Variants in ZNRF2 observed in about 807,000 individuals in gnomAD.
ZNRF2 encodes the protein E3 ubiquitin-protein ligase ZNRF2.
Under a neutral mutation model 20.4 loss-of-function variants are expected in ZNRF2, and 16 were observed. The observed-to-expected ratio is 0.79, with a 90% CI of 0.53 to 1.19. ZNRF2 has a LOEUF of 1.19. Ranked by LOEUF, ZNRF2 falls within the 50% of genes most tolerant of loss-of-function variation. The probability of loss-of-function intolerance (pLI) is 0.00; values close to 1 mark genes in which losing one functional copy is unlikely to be tolerated. For synonymous variants in ZNRF2, 178 were observed against 144.9 expected, an observed-to-expected ratio of 1.23 and a Z score of -1.64; for missense variants, 363 against 332.4, an observed-to-expected ratio of 1.09 and a Z score of -0.72.
chr7:30,322,395 C>T (rs180809661), intron 1 of ZNRF2, among the ~76,000 whole-genome samples: 1 of 152,284 alleles, frequency 6.6e-6, no homozygotes, highest in East Asian at 1.9e-4. Flanking sequence ...CCTGTGAGAA[C>T]ACATGTGTTG....
At chr7:30,289,065 A>G (rs1216593783) in intron 1 of ZNRF2, 1 of 152,178 alleles carries the variant, frequency 6.6e-6, no homozygotes, top group Non-Finnish European at 1.5e-5. Flanking sequence ...GTGGACTTCT[A>G]TAATGTATCC....
intron 2 of ZNRF2, among the ~76,000 whole-genome samples, chr7:30,353,839 G>T (rs563704700): frequency 1.3e-5 from 2 of 152,104 alleles, no homozygotes; most frequent in South Asian, 4.1e-4. Context: ...TTTTGAAGGT[G>T]GTTGTGAAAC....
chr7:30,333,917 G>C (rs1429933210), intron 2 of ZNRF2, among the ~76,000 whole-genome samples: 2 of 152,076 alleles, frequency 1.3e-5, no homozygotes, highest in East Asian at 1.9e-4. Context: ...TGCACAGCTT[G>C]CAAATATTTT....
chr7:30,306,570 G>A (rs1049276839), intron 1 of ZNRF2, among the ~76,000 whole-genome samples: 8 of 152,092 alleles, frequency 5.3e-5, no homozygotes, highest in African/African-American at 1.9e-4. Context: ...ACCTATTCCA[G>A]TCACTGAAAT....
At chr7:30,300,514 A>T (rs1799096617) in intron 1 of ZNRF2, among the ~76,000 whole-genome samples, 1 of 148,212 alleles carries the variant, frequency 6.7e-6, no homozygotes, top group South Asian at 2.2e-4. Flanking sequence ...CTCTAATAAA[A>T]GATAGACTTA....
At position 30,285,341 on chromosome 7, in the gene ZNRF2, C is replaced by T; in HGVS notation, c.-17C>T. 1.8e-6 allele frequency: 2 copies of T among 1,123,148 alleles called. No individual in the cohort carries two copies. Among genetic ancestry groups the T allele is most frequent in the Non-Finnish European group, 2.2e-6 (2 of 920,036 alleles). The allele number at this position is 1,123,148 out of a possible 1,614,324, so 69.6% of individuals were successfully genotyped here. A position where few individuals can be genotyped will look rare whatever the true frequency, so the allele number is the denominator to read the frequency against. The stretch of plus-strand genomic sequence containing the variant: ...CTCGGGGCGCAGCGCGCGGGCCCGG[C>T]CCGGGGCAGGGCGGACATGGGCGCC... On this transcript the variant is annotated 5_prime_UTR_variant, in exon 1 of 5. Transcript: ENST00000323037.
chr7:30,287,496 CATT>C (rs1314285639), intron 1 of ZNRF2, among the ~76,000 whole-genome samples: 1 of 152,168 alleles, frequency 6.6e-6, no homozygotes, highest in African/African-American at 2.4e-5. Context: ...CTTTGAGAAA[CATT>C]ATAGTTCTGT....
At chr7:30,318,166 G>C (rs1461419449) in intron 1 of ZNRF2, among the ~76,000 whole-genome samples, 1 of 152,160 alleles carries the variant, frequency 6.6e-6, no homozygotes, top group Non-Finnish European at 1.5e-5. Context: ...CAGTGAGGTC[G>C]ATGACATAGG....
At chr7:30,348,497 T>G (rs1324551975) in intron 2 of ZNRF2, among the ~76,000 whole-genome samples, 1 of 152,230 alleles carries the variant, frequency 6.6e-6, no homozygotes, top group Admixed American at 6.5e-5. Flanking sequence ...TGGCCACATC[T>G]GACTCACAGC....
Position 30,290,794 on chromosome 7 carries a change from CATTTT to C in ZNRF2, c.469+4970_469+4974del, listed in dbSNP as rs200601608. ...GAACATGTAACTTCTTTTTTAAACT[CATTTT>C]AATTTACTTTTAAAAAGTTGTACTA... On this transcript the variant is annotated intron_variant, in intron 1 of 4. Transcript: ENST00000323037. Among the ~76,000 whole-genome samples, 391 of 152,252 alleles carry C rather than the reference CATTTT, an allele frequency of 2.6e-3. 2 individuals are homozygous for C. In the East Asian group the frequency reaches 0.028, roughly 11 times the overall value.
chr7:30,329,525 A>C (rs1427603506), intron 2 of ZNRF2, among the ~76,000 whole-genome samples: 1 of 151,886 alleles, frequency 6.6e-6, no homozygotes, highest in Non-Finnish European at 1.5e-5. Flanking sequence ...TTTGTTTTTT[A>C]AGCTCCCACA....
intron 1 of ZNRF2, among the ~76,000 whole-genome samples, chr7:30,287,541 T>A (rs1029785579): frequency 6.6e-6 from 1 of 152,238 alleles, no homozygotes; most frequent in Non-Finnish European, 1.5e-5. Flanking sequence ...TGCATTCTAT[T>A]CAGAGCAAGA....
At chr7:30,326,973 G>A (rs1010229343) in intron 2 of ZNRF2, among the ~76,000 whole-genome samples, 21 of 151,986 alleles carry the variant, frequency 1.4e-4, no homozygotes, top group African/African-American at 5.1e-4. Flanking sequence ...ATTTTTTCAT[G>A]GGGTTGTTTG....
In ZNRF2 at chr7:30,361,927, A is replaced by G. The variant is rs1195510033; in HGVS notation, c.672-450A>G. ...TATTACATGGTGGGATAGGATTTAA[A>G]TATTCAATAATCACATATAAATATA... On this transcript the variant is annotated intron_variant, in intron 3 of 4. Coordinates refer to ENST00000323037, the MANE Select transcript of ZNRF2 (RefSeq NM_147128.4). Among the ~76,000 whole-genome samples, 3 of 152,228 alleles carry G rather than the reference A, an allele frequency of 2.0e-5. No individual in the cohort carries two copies. In the South Asian group the frequency reaches 6.2e-4, roughly 31 times the overall value.
At chr7:30,333,336 G>C (rs1331509401) in intron 2 of ZNRF2, among the ~76,000 whole-genome samples, 1 of 149,136 alleles carries the variant, frequency 6.7e-6, no homozygotes, top group East Asian at 2.0e-4. Flanking sequence ...TTACAGGCAT[G>C]AGCCACTGCG....
chr7:30,312,875 G>A (rs779049317), intron 1 of ZNRF2, among the ~76,000 whole-genome samples: 6 of 152,068 alleles, frequency 3.9e-5, no homozygotes, highest in Non-Finnish European at 7.4e-5. Flanking sequence ...ATTTTAAAGA[G>A]GTAAGAGTTT....
intron 1 of ZNRF2, among the ~76,000 whole-genome samples, chr7:30,304,352 AGATTGC>A (rs1799167238): frequency 1.3e-5 from 2 of 152,250 alleles, no homozygotes; most frequent in Admixed American, 1.3e-4. Flanking sequence ...GGATTTTGCC[AGATTGC>A]TTTCTAGGGA....
intron 2 of ZNRF2, among the ~76,000 whole-genome samples, chr7:30,332,294 A>AG (rs1408167300): frequency 6.6e-6 from 1 of 152,186 alleles, no homozygotes; most frequent in Non-Finnish European, 1.5e-5. Context: ...TAAGTTAACA[A>AG]GACCTGTTGC....
chr7:30,295,046 AGAGAGTGTGTGTGTGTGTGT>A (rs1439901698), intron 1 of ZNRF2, among the ~76,000 whole-genome samples: 14 of 98,580 alleles, frequency 1.4e-4, no homozygotes, highest in Admixed American at 2.9e-4. Flanking sequence ...AGAGAGAGAG[AGAGAGTGTGTGTGTGTGTGT>A]GTGTGTGTGT....
Sources: allele counts gnomAD v4.1 joint callset (sites outside exome capture counted in the v4.1 genomes callset), GRCh38; gene constraint gnomAD v4.1.1; transcripts MANE v1.5; gene names NCBI Gene and HGNC (gene_info 2026-07-23, HGNC 2026-07-21).